Variants in ATG14 observed in about 807,000 individuals in gnomAD.
The protein encoded by ATG14 is autophagy related 14, also known as beclin 1-associated autophagy-related key regulator.
A neutral mutation model predicts 60.4 loss-of-function variants in ATG14; 35 were observed. That is an observed-to-expected ratio of 0.58 (90% CI 0.44 to 0.77). ATG14 has a LOEUF of 0.77. ATG14 is among the 30% of genes least tolerant of loss of function. ATG14 has a pLI of 0.00. For synonymous variants in ATG14, 234 were observed against 228.8 expected, an observed-to-expected ratio of 1.02 and a Z score of -0.21; for missense variants, 647 against 626.3, an observed-to-expected ratio of 1.03 and a Z score of -0.35.
At position 55,367,244 on chromosome 14, in the gene ATG14, C is replaced by T. The variant is rs1359216058; in HGVS notation, c.*2375G>A. On this transcript the variant is annotated 3_prime_UTR_variant, in exon 10 of 10. Transcript: ENST00000247178. ...CAGTCTCCACCACCAAGCTCCAAAT[C>T]CCACTCTTACAACTCGTGAGACTAA... 6.6e-6 allele frequency: 1 copy of T among 152,202 alleles called. No individual in the cohort carries two copies. Among genetic ancestry groups the T allele is most frequent in the African/African-American group, 2.4e-5 (1 of 41,448 alleles). 9.4% of individuals were successfully genotyped at this position (152,202 alleles called of 1,614,324 possible). A position where few individuals can be genotyped will look rare whatever the true frequency, so the allele number is the denominator to read the frequency against.
intron 7 of ATG14, among the ~76,000 whole-genome samples, chr14:55,379,456 T>C (rs28660594): frequency 0.4 from 60,027 of 151,914 alleles, 12,140 homozygotes; most frequent in Non-Finnish European, 0.43. Flanking sequence ...GTGGGAGGAT[T>C]GCTTGGGCCT....
chr14:55,393,590 GGTTAGA>G (rs1033600415), intron 3 of ATG14, among the ~76,000 whole-genome samples: 2 of 150,640 alleles, frequency 1.3e-5, no homozygotes, highest in Non-Finnish European at 2.9e-5. Context: ...CTGTTGCCCA[GGTTAGA>G]GTATGGTGGT....
At chr14:55,393,172 G>A (rs1885249092) in intron 3 of ATG14, among the ~76,000 whole-genome samples, 1 of 152,116 alleles carries the variant, frequency 6.6e-6, no homozygotes, top group Admixed American at 6.5e-5. Flanking sequence ...ACGAGGTCAG[G>A]AGATTGAGAC....
chr14:55,404,852 A>T (rs1477793601), intron 1 of ATG14, among the ~76,000 whole-genome samples: 1 of 152,250 alleles, frequency 6.6e-6, no homozygotes, highest in African/African-American at 2.4e-5. Context: ...AGTATAACCC[A>T]GGAGTAAGTC....
intron 1 of ATG14, among the ~76,000 whole-genome samples, chr14:55,406,011 CT>C (rs992185243): frequency 3.9e-5 from 6 of 152,230 alleles, no homozygotes; most frequent in African/African-American, 1.4e-4. Context: ...GTAGGGAAGT[CT>C]TCCCATCGAA....
chr14:55,397,596 C>T (rs959675922), intron 1 of ATG14, among the ~76,000 whole-genome samples, 162 bp from the exon 2 acceptor site: 15 of 152,194 alleles, frequency 9.9e-5, no homozygotes, highest in African/African-American at 3.6e-4. Flanking sequence ...CAACTGCTAA[C>T]CATTTGGTTC....
Position 55,369,932 on chromosome 14 carries a change from G to GCAGA in ATG14, c.1173-11_1173-8dup, listed in dbSNP as rs778262948. On this transcript the variant is annotated splice_polypyrimidine_tract_variant and splice_region_variant and intron_variant, in intron 9 of 9. Transcript: ENST00000247178. The stretch of plus-strand genomic sequence containing the variant: ...TACTTCAAAGGGCCCTGACCTGTGT[G>GCAGA]CAGACAATGAGGGTCTCTTTAGGAT... The GCAGA allele has an allele frequency of 2.0e-5, 32 of 1,589,026 alleles. No homozygotes were observed. In the African/African-American group the frequency reaches 3.7e-4, roughly 18 times the overall value.
At chr14:55,378,297 C>T (rs1364219954) in intron 7 of ATG14, among the ~76,000 whole-genome samples, 1 of 152,146 alleles carries the variant, frequency 6.6e-6, no homozygotes, top group Admixed American at 6.5e-5. Flanking sequence ...CAAGCAATTC[C>T]ACGTCAGGAC....
rs1884720420 is a variant in ATG14, at chr14:55,367,984, C to T, written c.*1635G>A. On this transcript the variant is annotated 3_prime_UTR_variant, in exon 10 of 10. Transcript: ENST00000247178. ...AAAGAAGCTGGGGCATGGCAAACCT[C>T]TGAATGATTTATCAGAGGTGCTATC... 1 of 152,630 alleles carries T rather than the reference C, an allele frequency of 6.6e-6. No individual in the cohort carries two copies. The highest frequency in any genetic ancestry group is 6.5e-5 in the Admixed American group (1 of 15,284). 9.5% of individuals were successfully genotyped at this position (152,630 alleles called of 1,614,324 possible). A position where few individuals can be genotyped will look rare whatever the true frequency, so the allele number is the denominator to read the frequency against.
rs926963009 is a variant in ATG14 at position 55,397,308 on chromosome 14, C to T, written c.284+64G>A. On this transcript the variant is annotated intron_variant, in intron 2 of 9. Coordinates refer to ENST00000247178, the MANE Select transcript of ATG14 (RefSeq NM_014924.5). ...ATCCGTATATCTGCATACCACAGCA[C>T]TGAATTCAACCAAATGTTGACTAGA... 45 of 1,383,548 alleles carry T rather than the reference C, an allele frequency of 3.3e-5. No homozygotes were observed. The Middle Eastern group carries it at 1.1e-3, about 33-fold the overall frequency. 85.7% of individuals were successfully genotyped at this position (1,383,548 alleles called of 1,614,324 possible). A position where few individuals can be genotyped will look rare whatever the true frequency, so the allele number is the denominator to read the frequency against.
At chr14:55,379,540 G>A (rs1460507866) in intron 7 of ATG14, among the ~76,000 whole-genome samples, 1 of 152,080 alleles carries the variant, frequency 6.6e-6, no homozygotes, top group Non-Finnish European at 1.5e-5. Context: ...GTGAGACCCT[G>A]TCTTAAGAAA....
rs567647788 is a variant in ATG14, at chr14:55,378,395, C to T, written c.996-321G>A. Among the ~76,000 whole-genome samples the T allele has an allele frequency of 4.3e-4, 65 of 152,334 alleles. 1 individual carries two copies. The highest frequency in any genetic ancestry group is 1.5e-3 in the African/African-American group (63 of 41,578). ...AGCATCAACAGCAGACTGGTAAGAT[C>T]TTGACACCTTTACAGAAAGGCAAAC... On this transcript the variant is annotated intron_variant, in intron 7 of 9. Transcript: ENST00000247178.
In ATG14 at chr14:55,368,599, TGAGCAAAGCTGTGTCCTCA is replaced by T. The variant is rs997626368; in HGVS notation, c.*1001_*1019del. On this transcript the variant is annotated 3_prime_UTR_variant, in exon 10 of 10. Coordinates refer to ENST00000247178, the MANE Select transcript of ATG14 (RefSeq NM_014924.5). ...GCCGTAAGGATCTGCGCTGCATTTC[TGAGCAAAGCTGTGTCCTCA>T]GAGCAACAAAGAGTTCGGGGAAACA... 2.0e-5 allele frequency: 3 copies of T among 152,260 alleles called. No homozygotes were observed. The highest frequency in any genetic ancestry group is 1.3e-4 in the Admixed American group (2 of 15,288). 9.4% of individuals were successfully genotyped at this position (152,260 alleles called of 1,614,324 possible).
At chr14:55,410,609 A>G (rs1885555910) in intron 1 of ATG14, among the ~76,000 whole-genome samples, 1 of 152,232 alleles carries the variant, frequency 6.6e-6, no homozygotes, top group African/African-American at 2.4e-5. Context: ...TCCCAAATAT[A>G]GAGGATATAA....
chr14:55,373,366 T>C (rs150191740), intron 9 of ATG14, among the ~76,000 whole-genome samples: 73 of 152,290 alleles, frequency 4.8e-4, no homozygotes, highest in African/African-American at 1.4e-3. Context: ...AGTGTGTGCA[T>C]TGATGGACAC....
At chr14:55,401,028 A>G (rs1198638477) in intron 1 of ATG14, among the ~76,000 whole-genome samples, 1 of 152,162 alleles carries the variant, frequency 6.6e-6, no homozygotes, top group East Asian at 1.9e-4. Flanking sequence ...AAAACACTTT[A>G]TACAGTTTAC....
intron 9 of ATG14, among the ~76,000 whole-genome samples, chr14:55,370,979 C>T (rs139232935): frequency 1.3e-5 from 2 of 152,234 alleles, no homozygotes; most frequent in African/African-American, 2.4e-5. Flanking sequence ...TCAAATGCCC[C>T]TCAGCTCCTG....
At chr14:55,396,029 T>C (rs756375500) in intron 2 of ATG14, 47 bp from the exon 3 acceptor site, 6 of 1,432,112 alleles carry the variant, frequency 4.2e-6, no homozygotes, top group Non-Finnish European at 5.7e-6. Flanking sequence ...ATAATAAAAT[T>C]CTGTGAAGTT....
rs1358671322 is a variant in ATG14, at chr14:55,367,701, GC to G, written c.*1917del. 1 of 151,562 alleles carries G rather than the reference GC, an allele frequency of 6.6e-6. No individual in the cohort carries two copies. The highest frequency in any genetic ancestry group is 1.5e-5 in the Non-Finnish European group (1 of 67,926). The allele number at this position is 151,562 out of a possible 1,614,324, so 9.4% of individuals were successfully genotyped here. On this transcript the variant is annotated 3_prime_UTR_variant, in exon 10 of 10. Transcript: ENST00000247178. ...GGTGGTTGCAGTGAGCGGAGATGGTGCCACTACACTCCAGCCTGGGCAGCTG... is the reference window on the plus strand; with the variant it reads ...GGTGGTTGCAGTGAGCGGAGATGGTGCACTACACTCCAGCCTGGGCAGCTG...
Sources: gnomAD v4.1 joint callset for allele counts (sites outside exome capture counted in the v4.1 genomes callset) on GRCh38, gnomAD v4.1.1 for gene constraint, MANE v1.5 for transcripts, NCBI Gene and HGNC (gene_info 2026-07-23, HGNC 2026-07-21) for gene names.